Variants in SH3BGRL2 observed in about 807,000 individuals in gnomAD.
SH3BGRL2 encodes the protein SH3 domain binding glutamate rich protein like 2.
Under a neutral mutation model 14.8 loss-of-function variants are expected in SH3BGRL2, and 21 were observed. The observed-to-expected ratio is 1.42, with a 90% confidence interval of 1.01 to 2.05. The LOEUF (loss-of-function observed/expected upper bound fraction) is 2.05, where lower values mean the gene tolerates loss of function less well. Ranked by LOEUF, SH3BGRL2 falls within the 30% of genes most tolerant of loss-of-function variation. The pLI is 0.00. For synonymous variants in SH3BGRL2, 50 were observed against 47.8 expected (o/e 1.05, Z -0.19); for missense variants, 147 against 130.8 (o/e 1.12, Z -0.61).
Position 79,673,814 on chromosome 6 carries a change from T to C in SH3BGRL2, c.231+15T>C, listed in dbSNP as rs760514690. 2 of 1,608,540 alleles carry C rather than the reference T, an allele frequency of 1.2e-6. No homozygotes were observed. The highest frequency in any genetic ancestry group is 2.2e-5 in the South Asian group (2 of 90,628). ...GATACTGTGGAGTAAGTGGCTAGAC[T>C]GTTATCATGCTGTTTCTTTTTATTG... On this transcript the variant is annotated intron_variant, in intron 2 of 3. Transcript: ENST00000369838.
At chr6:79,578,555 G>T in the SH3BGRL2 span, among the ~76,000 whole-genome samples, 1 of 146,324 alleles carries the variant, frequency 6.8e-6, no homozygotes, top group Admixed American at 6.9e-5. Context: ...GCAGCTGAGG[G>T]ACCTGACTGT....
chr6:79,698,491 G>A (rs754152136), intron 3 of SH3BGRL2, among the ~76,000 whole-genome samples: 1 of 152,092 alleles, frequency 6.6e-6, no homozygotes, highest in African/African-American at 2.4e-5. Flanking sequence ...TGGCAACAAA[G>A]CCTATCAGGA....
At chr6:79,582,610 C>T in the SH3BGRL2 span, among the ~76,000 whole-genome samples, 1 of 152,132 alleles carries the variant, frequency 6.6e-6, no homozygotes, top group Non-Finnish European at 1.5e-5. Flanking sequence ...TGGATCACTT[C>T]CTTACACCTT....
At chr6:79,574,108 A>C in the SH3BGRL2 span, 1 of 152,226 alleles carries the variant, frequency 6.6e-6, no homozygotes. Flanking sequence ...AAGTTTATTC[A>C]TGCTTGCAGA....
chr6:79,656,572 T>C (rs781188683), intron 1 of SH3BGRL2, among the ~76,000 whole-genome samples: 52 of 152,198 alleles, frequency 3.4e-4, no homozygotes, highest in Non-Finnish European at 6.2e-4. Flanking sequence ...CATCCTTGGA[T>C]TCAACCATCC....
chr6:79,550,664 C>T, the SH3BGRL2 span, among the ~76,000 whole-genome samples: 6 of 152,192 alleles, frequency 3.9e-5, no homozygotes, highest in Non-Finnish European at 8.8e-5. Flanking sequence ...GTATTGAGTA[C>T]TTACGTCTAC....
the SH3BGRL2 span, among the ~76,000 whole-genome samples, chr6:79,553,901 G>A: frequency 6.6e-6 from 1 of 151,830 alleles, no homozygotes; most frequent in African/African-American, 2.4e-5. Flanking sequence ...CCGGGAGGCA[G>A]AGGTTGCAGT....
At chr6:79,614,804 A>G in the SH3BGRL2 span, among the ~76,000 whole-genome samples, 1 of 152,112 alleles carries the variant, frequency 6.6e-6, no homozygotes, top group African/African-American at 2.4e-5. Context: ...ACAGGAGAGG[A>G]AAGGGGTAGT....
chr6:79,613,911 A>G, the SH3BGRL2 span, among the ~76,000 whole-genome samples: 12 of 152,206 alleles, frequency 7.9e-5, no homozygotes, highest in South Asian at 2.1e-4. Flanking sequence ...CCCGGCCTGA[A>G]AAGCAACATT....
chr6:79,593,038 T>C, the SH3BGRL2 span, among the ~76,000 whole-genome samples: 1 of 152,324 alleles, frequency 6.6e-6, no homozygotes, highest in Non-Finnish European at 1.5e-5. Flanking sequence ...GATGGTATAC[T>C]ACCTTATTCC....
At chr6:79,603,692 C>A in the SH3BGRL2 span, among the ~76,000 whole-genome samples, 1 of 152,074 alleles carries the variant, frequency 6.6e-6, no homozygotes, top group Non-Finnish European at 1.5e-5. Flanking sequence ...CCATTGTGGC[C>A]CACAATGATA....
At chr6:79,550,654 G>A in the SH3BGRL2 span, among the ~76,000 whole-genome samples, 1 of 152,150 alleles carries the variant, frequency 6.6e-6, no homozygotes, top group African/African-American at 2.4e-5. Flanking sequence ...AGGAATCAAG[G>A]TATTGAGTAC....
At chr6:79,589,582 A>G in the SH3BGRL2 span, among the ~76,000 whole-genome samples, 1 of 152,128 alleles carries the variant, frequency 6.6e-6, no homozygotes, top group Non-Finnish European at 1.5e-5. Context: ...GGTTCATTTA[A>G]ATATATTTGC....
intron 1 of SH3BGRL2, among the ~76,000 whole-genome samples, chr6:79,671,268 T>C (rs2812708): frequency 0.83 from 125,673 of 152,110 alleles, 52,038 homozygotes; most frequent in East Asian, 0.98. Context: ...GGAGTTCGAG[T>C]TCAGCCTGAC....
the SH3BGRL2 span, among the ~76,000 whole-genome samples, chr6:79,602,612 A>G: frequency 3.3e-5 from 5 of 152,178 alleles, no homozygotes; most frequent in African/African-American, 9.7e-5. Flanking sequence ...GAGAGTGGCT[A>G]TAAGTTAGTT....
chr6:79,592,504 ATTAAAG>A, the SH3BGRL2 span, among the ~76,000 whole-genome samples: 2 of 152,350 alleles, frequency 1.3e-5, no homozygotes, highest in Non-Finnish European at 2.9e-5. Flanking sequence ...CCCATAAGGA[ATTAAAG>A]TTAAATGGAA....
chr6:79,561,340 G>C, the SH3BGRL2 span: 1 of 152,078 alleles, frequency 6.6e-6, no homozygotes, highest in South Asian at 2.1e-4. Flanking sequence ...TTTGGTGGGA[G>C]AAGGTGTATT....
At chr6:79,655,518 C>T (rs1769388687) in intron 1 of SH3BGRL2, among the ~76,000 whole-genome samples, 1 of 152,168 alleles carries the variant, frequency 6.6e-6, no homozygotes, top group Non-Finnish European at 1.5e-5. Flanking sequence ...TGTCAGCTAT[C>T]ACCACAATTT....
rs1387153131 is a variant in SH3BGRL2, at chr6:79,635,089, T to C, written c.45+3583T>C. ...TGCAGCTTGTCTGCTGCCTGGAGCC[T>C]TTTGTTTCTCAGGGAACATGGAGCT... On this transcript the variant is annotated intron_variant, in intron 1 of 3. Transcript: ENST00000369838. 2.0e-5 allele frequency among the ~76,000 whole-genome samples: 3 copies of C among 152,174 alleles called. No homozygotes were observed. In the East Asian group the frequency reaches 5.8e-4, roughly 29 times the overall value.
Sources: gnomAD v4.1 joint callset for allele counts (sites outside exome capture counted in the v4.1 genomes callset) on GRCh38, gnomAD v4.1.1 for gene constraint, MANE v1.5 for transcripts, NCBI Gene and HGNC (gene_info 2026-07-23, HGNC 2026-07-21) for gene names.